SNX24: variants seen among roughly 807,000 people sequenced by gnomAD.
SNX24 encodes the protein sorting nexin-24.
SNX24 carries 22 observed loss-of-function variants against 28.7 expected under a neutral mutation model. That is an observed-to-expected ratio of 0.77 (90% CI 0.55 to 1.10). The LOEUF (loss-of-function observed/expected upper bound fraction) is 1.10, where lower values mean the gene tolerates loss of function less well. Ranked by LOEUF, SNX24 falls within the 50% of genes least tolerant of loss-of-function variation. SNX24 has a pLI of 0.00. For missense variants in SNX24, 221 were observed against 201.1 expected (o/e 1.10, Z -0.60); for synonymous variants, 69 against 71.5 (o/e 0.96, Z 0.18).
intron 3 of SNX24, among the ~76,000 whole-genome samples, chr5:122,953,781 AT>A (rs536142228): frequency 7.2e-5 from 11 of 152,156 alleles, no homozygotes; most frequent in African/African-American, 9.7e-5. Context: ...TCTTGTTTAT[AT>A]TTTTTTCTTT....
intron 3 of SNX24, among the ~76,000 whole-genome samples, chr5:122,960,028 G>C (rs1760417474): frequency 6.6e-6 from 1 of 152,156 alleles, no homozygotes; most frequent in South Asian, 2.1e-4. Context: ...CCCTACACGG[G>C]CTGTGTTTTC....
intron 2 of SNX24, among the ~76,000 whole-genome samples, chr5:122,941,907 CA>C (rs1759467912): frequency 6.6e-6 from 1 of 152,136 alleles, no homozygotes; most frequent in South Asian, 2.1e-4. Context: ...AAAACGAAAA[CA>C]AAACCCCATG....
At chr5:122,876,512 G>A (rs1407287586) in intron 1 of SNX24, among the ~76,000 whole-genome samples, 1 of 152,152 alleles carries the variant, frequency 6.6e-6, no homozygotes, top group African/African-American at 2.4e-5. Context: ...TTTCAACATT[G>A]AAGCAAAGCG....
rs1276957225 is a variant in SNX24 at position 122,884,984 on chromosome 5, T to G, written c.60+39291T>G. Among the ~76,000 whole-genome samples, 2 of 152,226 alleles carry G rather than the reference T, an allele frequency of 1.3e-5. 1 individual carries two copies. Among genetic ancestry groups the G allele is most frequent in the Non-Finnish European group, 2.9e-5 (2 of 68,048 alleles). The stretch of plus-strand genomic sequence containing the variant: ...TGTATTCTTAGGGACCCGTTGGCCA[T>G]TTCAGAAGCACGCTATTATGGAAAA... On this transcript the variant is annotated intron_variant, in intron 1 of 6. Transcript: ENST00000261369.
intron 3 of SNX24, among the ~76,000 whole-genome samples, chr5:122,957,404 T>C (rs1042581893): frequency 2.0e-5 from 3 of 152,238 alleles, no homozygotes; most frequent in African/African-American, 7.2e-5. Context: ...TACCACCTGT[T>C]TTCATTTACT....
At chr5:122,940,763 G>A (rs564746061) in intron 2 of SNX24, among the ~76,000 whole-genome samples, 40 of 152,250 alleles carry the variant, frequency 2.6e-4, no homozygotes, top group African/African-American at 9.1e-4. Flanking sequence ...AGTAGAAACA[G>A]GGTTTCACCA....
intron 1 of SNX24, among the ~76,000 whole-genome samples, chr5:122,852,313 T>C (rs528718997): frequency 6.6e-6 from 1 of 152,124 alleles, no homozygotes; most frequent in African/African-American, 2.4e-5. Flanking sequence ...GGAGCCTGGC[T>C]ACCTGAGAGT....
intron 3 of SNX24, among the ~76,000 whole-genome samples, chr5:122,950,886 G>T (rs1759908549): frequency 1.3e-5 from 2 of 152,138 alleles, no homozygotes; most frequent in African/African-American, 4.8e-5. Context: ...TAGAAATTTT[G>T]AGTAAATTGC....
At chr5:122,882,216 G>T (rs1373980470) in intron 1 of SNX24, among the ~76,000 whole-genome samples, 1 of 152,114 alleles carries the variant, frequency 6.6e-6, no homozygotes, top group Non-Finnish European at 1.5e-5. Flanking sequence ...CTCCCAAAAT[G>T]CTGGTATTAT....
intron 1 of SNX24, among the ~76,000 whole-genome samples, chr5:122,880,966 C>T (rs975180019): frequency 2.0e-5 from 3 of 152,220 alleles, no homozygotes; most frequent in African/African-American, 4.8e-5. Context: ...GGCCTGCCCC[C>T]AAAGCCCTGA....
intron 1 of SNX24, among the ~76,000 whole-genome samples, chr5:122,874,907 A>G (rs978761328): frequency 7.2e-5 from 11 of 152,242 alleles, no homozygotes; most frequent in Admixed American, 6.5e-4. Context: ...GAAATAATAG[A>G]TGCCAAGCCC....
intron 1 of SNX24, among the ~76,000 whole-genome samples, chr5:122,879,971 T>C (rs921193643): frequency 2.0e-5 from 3 of 152,276 alleles, no homozygotes; most frequent in Non-Finnish European, 4.4e-5. Flanking sequence ...TTAGGGTACT[T>C]TGAGTCAGTG....
chr5:122,888,822 T>G (rs1756826864), intron 1 of SNX24, among the ~76,000 whole-genome samples: 1 of 152,196 alleles, frequency 6.6e-6, no homozygotes, highest in South Asian at 2.1e-4. Context: ...CTTCTGGTCT[T>G]GGAATTCTGT....
intron 1 of SNX24, among the ~76,000 whole-genome samples, chr5:122,924,077 G>A (rs982759567): frequency 6.6e-6 from 1 of 152,126 alleles, no homozygotes; most frequent in Admixed American, 6.6e-5. Flanking sequence ...TAATACAGTA[G>A]TCCCCCCTTA....
chr5:122,871,901 C>T (rs952423068), intron 1 of SNX24, among the ~76,000 whole-genome samples: 1 of 152,096 alleles, frequency 6.6e-6, no homozygotes, highest in African/African-American at 2.4e-5. Context: ...AGTCAGGGAA[C>T]TTGTGCAAGT....
intron 1 of SNX24, among the ~76,000 whole-genome samples, chr5:122,866,829 G>T (rs556807666): frequency 1.3e-5 from 2 of 152,272 alleles, no homozygotes; most frequent in South Asian, 4.1e-4. Flanking sequence ...GCATAAAGTG[G>T]CTAGGCAACA....
intron 3 of SNX24, among the ~76,000 whole-genome samples, chr5:122,962,821 T>C (rs1760541166): frequency 6.6e-6 from 1 of 152,240 alleles, no homozygotes; most frequent in African/African-American, 2.4e-5. Context: ...CTATGAATTA[T>C]ACAATATTGA....
intron 5 of SNX24, chr5:123,029,144 C>T (rs1168974407): frequency 2.2e-6 from 3 of 1,356,142 alleles, no homozygotes; most frequent in East Asian, 2.5e-5. Flanking sequence ...AGCCTAAGGG[C>T]ACTGAGTGCC....
At chr5:122,990,636 T>C (rs1360670320) in intron 3 of SNX24, among the ~76,000 whole-genome samples, 1 of 152,202 alleles carries the variant, frequency 6.6e-6, no homozygotes, top group Non-Finnish European at 1.5e-5. Context: ...TTGTAAATCT[T>C]TTATTAAAAA....
Sources: allele counts gnomAD v4.1 joint callset (sites outside exome capture counted in the v4.1 genomes callset), GRCh38; gene constraint gnomAD v4.1.1; transcripts MANE v1.5; gene names NCBI Gene and HGNC (gene_info 2026-07-23, HGNC 2026-07-21).